Variants in JAM3 observed in about 807,000 individuals in gnomAD.
JAM3 encodes junctional adhesion molecule 3.
Under a neutral mutation model 39.4 loss-of-function variants are expected in JAM3, and 31 were observed. That is an observed-to-expected ratio of 0.79 (90% CI 0.59 to 1.06). The LOEUF is 1.06. Among genes scored for constraint, JAM3 ranks in the 50% least tolerant of loss-of-function variants. The pLI, the probability that JAM3 is intolerant of heterozygous loss-of-function variation, is 0.00. For synonymous variants in JAM3, 182 were observed against 148.7 expected (o/e 1.22, Z -1.63); for missense variants, 455 against 391.4 (o/e 1.16, Z -1.37).
intron 1 of JAM3, among the ~76,000 whole-genome samples, chr11:134,128,312 C>T (rs957507558): frequency 2.6e-5 from 4 of 152,202 alleles, no homozygotes; most frequent in Non-Finnish European, 5.9e-5. Context: ...CATCAGAACT[C>T]ACCTCTCTCT....
chr11:134,085,541 A>G (rs1941734391), intron 1 of JAM3, among the ~76,000 whole-genome samples: 1 of 152,278 alleles, frequency 6.6e-6, no homozygotes, highest in South Asian at 2.1e-4. Flanking sequence ...CTTAACAAAC[A>G]TTCTTTGTAC....
chr11:134,109,617 T>G (rs1296691683), intron 1 of JAM3, among the ~76,000 whole-genome samples: 2 of 152,128 alleles, frequency 1.3e-5, no homozygotes, highest in African/African-American at 4.8e-5. Context: ...GAATAAAACA[T>G]GGAATCACAT....
At chr11:134,135,998 A>G (rs1942858203) in intron 1 of JAM3, among the ~76,000 whole-genome samples, 1 of 152,026 alleles carries the variant, frequency 6.6e-6, no homozygotes, top group African/African-American at 2.4e-5. Context: ...TGAACCTGGG[A>G]GGCGGAGGTT....
chr11:134,149,019 C>T (rs370020403), intron 8 of JAM3, 127 bp from the exon 9 acceptor site: 12 of 1,162,204 alleles, frequency 1.0e-5, no homozygotes, highest in African/African-American at 3.0e-5. Flanking sequence ...GCTTTGCAAG[C>T]GCTAGTGATG....
intron 1 of JAM3, among the ~76,000 whole-genome samples, chr11:134,084,127 C>G (rs868339951): frequency 6.6e-6 from 1 of 152,102 alleles, no homozygotes; most frequent in African/African-American, 2.4e-5. Flanking sequence ...TCTGAGTAAC[C>G]CTGAGCATTG....
intron 1 of JAM3, among the ~76,000 whole-genome samples, chr11:134,128,886 C>T (rs1307171786): frequency 6.6e-6 from 1 of 152,084 alleles, no homozygotes; most frequent in African/African-American, 2.4e-5. Flanking sequence ...TATTCATTTC[C>T]ATTCCCCTCT....
intron 1 of JAM3, among the ~76,000 whole-genome samples, chr11:134,134,005 GATAAC>G (rs1251504947): frequency 3.4e-5 from 5 of 146,064 alleles, no homozygotes; most frequent in Non-Finnish European, 7.4e-5. Context: ...GGGAAAAGTA[GATAAC>G]ATAAGTAGAT....
intron 1 of JAM3, among the ~76,000 whole-genome samples, chr11:134,074,737 C>T (rs1272770260): frequency 6.6e-6 from 1 of 152,080 alleles, no homozygotes; most frequent in African/African-American, 2.4e-5. Flanking sequence ...TCTGTGGCAG[C>T]CCCTGGAAGA....
rs55689702 is a variant in JAM3, at chr11:134,149,217, G to T, written c.*36G>T. 92,406 of 1,613,106 alleles carry T rather than the reference G, an allele frequency of 0.057. 2,925 individuals are homozygous for T. The highest frequency in any genetic ancestry group is 0.059 in the Non-Finnish European group (69,111 of 1,179,210). ...GTGGCTGAGAGCGCACAGAGCGCAC[G>T]TGCACATACCTCTGCTAGAAACTCC... On this transcript the variant is annotated 3_prime_UTR_variant, in exon 9 of 9. Coordinates refer to ENST00000299106, the MANE Select transcript of JAM3 (RefSeq NM_032801.5).
At chr11:134,123,974 T>C (rs768069071) in intron 1 of JAM3, 75 of 1,514,306 alleles carry the variant, frequency 5.0e-5, no homozygotes, top group Non-Finnish European at 6.4e-5. Flanking sequence ...TCATTCCATA[T>C]TCAATCAAAG....
chr11:134,102,878 A>G (rs563631812), intron 1 of JAM3, among the ~76,000 whole-genome samples: 6 of 152,352 alleles, frequency 3.9e-5, no homozygotes, highest in East Asian at 1.9e-4. Flanking sequence ...GACCAAATCT[A>G]TGTCTGATTG....
At chr11:134,147,876 C>T (rs1438855698) in intron 6 of JAM3, 2 of 153,222 alleles carry the variant, frequency 1.3e-5, no homozygotes, top group Admixed American at 6.5e-5. Context: ...TTACTTGGCT[C>T]TTGTTGATAA....
At chr11:134,137,644 C>G (rs1401951260) in intron 1 of JAM3, among the ~76,000 whole-genome samples, 1 of 152,074 alleles carries the variant, frequency 6.6e-6, no homozygotes, top group Non-Finnish European at 1.5e-5. Context: ...CCAATAGTCC[C>G]TTAGAGCCAG....
chr11:134,124,864 C>T (rs561855366), intron 1 of JAM3, among the ~76,000 whole-genome samples: 1 of 152,374 alleles, frequency 6.6e-6, no homozygotes, highest in South Asian at 2.1e-4. Context: ...CACTCAGAAT[C>T]GCCGTAAATG....
chr11:134,143,035 T>C (rs1020308048), intron 3 of JAM3, among the ~76,000 whole-genome samples: 1 of 152,244 alleles, frequency 6.6e-6, no homozygotes, highest in African/African-American at 2.4e-5. Context: ...TTGGCTATTA[T>C]CAGTAATGCT....
rs1943199665 is a variant in JAM3 at position 134,150,758 on chromosome 11, C to G, written c.*1577C>G. 6.6e-6 allele frequency: 1 copy of G among 152,056 alleles called. No homozygotes were observed. The highest frequency in any genetic ancestry group is 2.4e-5 in the African/African-American group (1 of 41,390). The allele number at this position is 152,056 out of a possible 1,614,324, so 9.4% of individuals were successfully genotyped here. A position where few individuals can be genotyped will look rare whatever the true frequency, so the allele number is the denominator to read the frequency against. On this transcript the variant is annotated 3_prime_UTR_variant, in exon 9 of 9. Transcript: ENST00000299106. ...TTAAAAGAAAATGGATCCCACTGTT[C>G]CTCTTTGCCACAGAGAAAGCACCCA...
At chr11:134,133,695 T>G (rs2120827084) in intron 1 of JAM3, among the ~76,000 whole-genome samples, 1 of 152,318 alleles carries the variant, frequency 6.6e-6, no homozygotes, top group East Asian at 1.9e-4. Context: ...TGAGACACAG[T>G]GGTGAAGGTC....
chr11:134,129,634 T>C (rs955323579), intron 1 of JAM3, among the ~76,000 whole-genome samples: 1 of 152,238 alleles, frequency 6.6e-6, no homozygotes, highest in Admixed American at 6.5e-5. Context: ...TCTTCAGTTA[T>C]TGGTGAAAGA....
At chr11:134,116,626 C>T (rs1234804507) in intron 1 of JAM3, among the ~76,000 whole-genome samples, 2 of 151,950 alleles carry the variant, frequency 1.3e-5, no homozygotes, top group African/African-American at 4.8e-5. Flanking sequence ...TTTCCCTGTC[C>T]TAGAATCAGC....
Sources: allele counts gnomAD v4.1 joint callset (sites outside exome capture counted in the v4.1 genomes callset), GRCh38; gene constraint gnomAD v4.1.1; transcripts MANE v1.5; gene names NCBI Gene and HGNC (gene_info 2026-07-23, HGNC 2026-07-21).